Variants in KIAA1217 observed in about 807,000 individuals in gnomAD.
The protein encoded by KIAA1217 is KIAA1217.
In KIAA1217, 88 loss-of-function variants were observed where a neutral mutation model predicts 163.9. The observed-to-expected ratio is 0.54, with a 90% CI of 0.45 to 0.64. KIAA1217 has a LOEUF of 0.64. KIAA1217 is among the 30% of genes least tolerant of loss of function. The pLI is 0.00. For missense variants in KIAA1217, 2,372 were observed against 2,475.0 expected, an observed-to-expected ratio of 0.96 and a Z score of 0.88; for synonymous variants, 903 against 923.1, an observed-to-expected ratio of 0.98 and a Z score of 0.39.
chr10:24,084,504 C>G (rs1027150310), intron 2 of KIAA1217, among the ~76,000 whole-genome samples: 6 of 152,104 alleles, frequency 3.9e-5, no homozygotes, highest in African/African-American at 1.4e-4. Context: ...GTAATGAGAG[C>G]CATGAAAATG....
At chr10:23,932,922 T>C (rs1410912449) in intron 1 of KIAA1217, among the ~76,000 whole-genome samples, 1 of 152,186 alleles carries the variant, frequency 6.6e-6, no homozygotes, top group African/African-American at 2.4e-5. Flanking sequence ...TGGAACCATA[T>C]GTAAGGACCA....
At chr10:24,542,640 T>A (rs77554698) in intron 17 of KIAA1217, 53 bp from the exon 18 acceptor site, 2 of 1,597,802 alleles carry the variant, frequency 1.3e-6, no homozygotes, top group Non-Finnish European at 1.7e-6. Flanking sequence ...ATAGTCCACT[T>A]TTTTGGGGGG....
intron 1 of KIAA1217, among the ~76,000 whole-genome samples, chr10:23,912,019 A>G (rs1842452733): frequency 6.6e-6 from 1 of 152,120 alleles, no homozygotes; most frequent in South Asian, 2.1e-4. Flanking sequence ...TAGCTCGTTG[A>G]CATGCACCCC....
intron 2 of KIAA1217, among the ~76,000 whole-genome samples, chr10:24,058,458 C>T (rs1453164971): frequency 1.3e-5 from 2 of 152,064 alleles, no homozygotes; most frequent in African/African-American, 2.4e-5. Flanking sequence ...ATGAGGATTG[C>T]ATTGAATCTG....
chr10:24,436,107 C>T (rs562483335), intron 4 of KIAA1217, among the ~76,000 whole-genome samples: 2 of 152,052 alleles, frequency 1.3e-5, no homozygotes, highest in Non-Finnish European at 2.9e-5. Context: ...GTGATCTGCC[C>T]ACCTCGGCCT....
At chr10:24,420,605 A>G (rs1433802142) in intron 3 of KIAA1217, among the ~76,000 whole-genome samples, 1 of 152,202 alleles carries the variant, frequency 6.6e-6, no homozygotes, top group Non-Finnish European at 1.5e-5. Flanking sequence ...CTGGGAGACA[A>G]CACCATGTGG....
At position 24,544,282 on chromosome 10, in the gene KIAA1217, A is replaced by T. The variant is rs767971760; in HGVS notation, c.5012A>T (p.Gln1671Leu). 1 of 1,614,196 alleles carries T rather than the reference A, an allele frequency of 6.2e-7. No individual in the cohort carries two copies. The highest frequency in any genetic ancestry group is 1.1e-5 in the South Asian group (1 of 91,078). The change falls in exon 19 of 21, where the codon CAG becomes CTG. Residue 1671 changes from glutamine (Q) to leucine (L), a missense_variant. Gln to Leu is a moderately radical substitution (Grantham distance 113, BLOSUM62 -2). Coordinates refer to ENST00000376454, the MANE Select transcript of KIAA1217 (RefSeq NM_019590.5). ...NTYRTLDSLEQTIKQLENTIS... is the reference protein window; with the variant it reads ...NTYRTLDSLELTIKQLENTIS... ...TACAGAACATTGGATAGCCTGGAGC[A>T]GACCATTAAACAGCTCGAAAATACA... is the stretch of plus-strand genomic sequence containing the variant.
chr10:23,978,202 A>C lies in KIAA1217; in HGVS notation c.-320-29023A>C, dbSNP rs560907814. Among the ~76,000 whole-genome samples the C allele has an allele frequency of 6.6e-5, 10 of 152,246 alleles. No homozygotes were observed. In the South Asian group the frequency reaches 2.1e-3, roughly 32 times the overall value. ...TTCCTCAGTCGGAGACCCAAGCTTAATATTCAGAGACTTCCTCCAGATTCT... is the reference window on the plus strand; with the variant it reads ...TTCCTCAGTCGGAGACCCAAGCTTACTATTCAGAGACTTCCTCCAGATTCT... On this transcript the variant is annotated intron_variant, in intron 1 of 18. Coordinates refer to the KIAA1217 transcript ENST00000376462.
At chr10:24,501,125 A>T (rs1215585429) in intron 8 of KIAA1217, among the ~76,000 whole-genome samples, 2 of 152,172 alleles carry the variant, frequency 1.3e-5, no homozygotes, top group Non-Finnish European at 2.9e-5. Flanking sequence ...TTGATAGAAC[A>T]ATCAGTGGAT....
intron 2 of KIAA1217, among the ~76,000 whole-genome samples, chr10:24,316,537 T>C (rs2043394564): frequency 6.6e-6 from 1 of 152,144 alleles, no homozygotes; most frequent in Non-Finnish European, 1.5e-5. Context: ...CAGTGACCCA[T>C]GTCCACCCCT....
intron 1 of KIAA1217, among the ~76,000 whole-genome samples, chr10:23,928,180 C>T (rs1379938332): frequency 6.6e-6 from 1 of 152,354 alleles, no homozygotes; most frequent in Non-Finnish European, 1.5e-5. Context: ...GAAGCCACAT[C>T]TGGCAGCTCC....
At chr10:24,196,388 T>C (rs2130497851) in intron 2 of KIAA1217, among the ~76,000 whole-genome samples, 1 of 152,324 alleles carries the variant, frequency 6.6e-6, no homozygotes, top group South Asian at 2.1e-4. Context: ...TTTCCTGATT[T>C]CTGTTTTCAT....
chr10:23,852,157 T>G (rs1383554857), intron 1 of KIAA1217, among the ~76,000 whole-genome samples: 61 of 152,146 alleles, frequency 4.0e-4, no homozygotes, highest in African/African-American at 1.4e-3. Context: ...GGTCTAAAGT[T>G]TAAGTCTTTA....
intron 9 of KIAA1217, among the ~76,000 whole-genome samples, chr10:24,510,017 T>A (rs2068881752): frequency 6.6e-6 from 1 of 152,160 alleles, no homozygotes; most frequent in Non-Finnish European, 1.5e-5. Context: ...GACCCATGCA[T>A]GCAGTTCTAA....
chr10:24,487,024 T>G (rs912956600), intron 6 of KIAA1217, among the ~76,000 whole-genome samples: 1 of 152,142 alleles, frequency 6.6e-6, no homozygotes, highest in African/African-American at 2.4e-5. Context: ...ACAAACACAG[T>G]TAATTCCTGG....
intron 2 of KIAA1217, among the ~76,000 whole-genome samples, chr10:24,008,945 G>A (rs1172724415): frequency 6.6e-6 from 1 of 152,140 alleles, no homozygotes; most frequent in East Asian, 1.9e-4. Flanking sequence ...GGTTTGCCCT[G>A]GAATGCCTTG....
chr10:24,463,471 C>G lies in KIAA1217; in HGVS notation c.847-9757C>G, dbSNP rs544933842. On this transcript the variant is annotated intron_variant, in intron 5 of 20. Transcript: ENST00000376454. ...GTCTGTCTCATGTCTGGGAGACATT[C>G]CGTTTACAATCAAATGAAACAATAG... Among the ~76,000 whole-genome samples the G allele has an allele frequency of 7.9e-5, 12 of 152,344 alleles. No individual in the cohort carries two copies. The South Asian group carries it at 2.5e-3, about 32-fold the overall frequency.
chr10:23,856,574 A>G (rs1274277450), intron 1 of KIAA1217, among the ~76,000 whole-genome samples: 7 of 152,230 alleles, frequency 4.6e-5, no homozygotes, highest in African/African-American at 1.7e-4. Flanking sequence ...TGCAGAGGTT[A>G]CTGCTGTCTT....
intron 6 of KIAA1217, chr10:24,481,712 G>A (rs1036039572): frequency 1.3e-5 from 2 of 152,150 alleles, no homozygotes; most frequent in Admixed American, 1.3e-4. Context: ...ATAATTTGGG[G>A]TCTGCTTGTA....
Sources: gnomAD v4.1 joint callset for allele counts (sites outside exome capture counted in the v4.1 genomes callset) on GRCh38, gnomAD v4.1.1 for gene constraint, MANE v1.5 for transcripts, NCBI Gene and HGNC (gene_info 2026-07-23, HGNC 2026-07-21) for gene names.